Variants in ACSS3 observed in about 807,000 individuals in gnomAD.
ACSS3 encodes the protein acyl-CoA synthetase short chain family member 3.
ACSS3 carries 64 observed loss-of-function variants against 84.2 expected under a neutral mutation model. That is an observed-to-expected ratio of 0.76 (90% CI 0.62 to 0.94). The LOEUF (loss-of-function observed/expected upper bound fraction) is 0.94, where lower values mean the gene tolerates loss of function less well. Ranked by LOEUF, ACSS3 falls within the 40% of genes least tolerant of loss-of-function variation. ACSS3 has a pLI of 0.00. For missense variants in ACSS3, 815 were observed against 867.6 expected (o/e 0.94, Z 0.76); for synonymous variants, 317 against 310.1 (o/e 1.02, Z -0.23).
At chr12:81,083,055 G>T (rs1881084318) in intron 1 of ACSS3, among the ~76,000 whole-genome samples, 1 of 152,226 alleles carries the variant, frequency 6.6e-6, no homozygotes, top group Non-Finnish European at 1.5e-5. Context: ...CAGGGAACAA[G>T]ATGACAAAAA....
chr12:81,148,036 ATTCT>A (rs1207797608), intron 5 of ACSS3, among the ~76,000 whole-genome samples: 1 of 151,864 alleles, frequency 6.6e-6, no homozygotes, highest in Non-Finnish European at 1.5e-5. Context: ...GCCTTGTATG[ATTCT>A]TTATTACAAA....
chr12:81,097,036 C>A (rs1300214806), intron 1 of ACSS3, among the ~76,000 whole-genome samples: 1 of 152,166 alleles, frequency 6.6e-6, no homozygotes, highest in Non-Finnish European at 1.5e-5. Flanking sequence ...ATTGAGCACT[C>A]ATATGATGGC....
At position 81,231,168 on chromosome 12, in the gene ACSS3, C is replaced by T. The variant is rs766163043; in HGVS notation, c.1596+30C>T. ...GAACTTTAATATGCTTTTTTATCTT[C>T]TTATGTACTTTTCTATAATTCTTGC... On this transcript the variant is annotated intron_variant, in intron 12 of 15. Coordinates refer to ENST00000548058, the MANE Select transcript of ACSS3 (RefSeq NM_024560.4). 23 of 1,505,494 alleles carry T rather than the reference C, an allele frequency of 1.5e-5. No homozygotes were observed. In the South Asian group the frequency reaches 2.2e-4, roughly 15 times the overall value. 93.3% of individuals were successfully genotyped at this position (1,505,494 alleles called of 1,614,324 possible).
At position 81,207,248 on chromosome 12, in the gene ACSS3, T is replaced by C. The variant is rs546463207; in HGVS notation, c.1354+7804T>C. Among the ~76,000 whole-genome samples the C allele has an allele frequency of 4.6e-5, 7 of 152,276 alleles. No individual in the cohort carries two copies. The East Asian group carries it at 1.2e-3, about 25-fold the overall frequency. On this transcript the variant is annotated intron_variant, in intron 9 of 15. Transcript: ENST00000548058. ...TTGACAAACTTTACTGTCTGGAAAT[T>C]TGATTCCCCCTGATACACGTAAACC...
intron 7 of ACSS3, among the ~76,000 whole-genome samples, chr12:81,153,785 T>G (rs906412851): frequency 6.6e-6 from 1 of 152,202 alleles, no homozygotes; most frequent in African/African-American, 2.4e-5. Flanking sequence ...TGAGAGGCCA[T>G]TCTCAATCTT....
At chr12:81,079,961 G>A (rs538395732) in intron 1 of ACSS3, among the ~76,000 whole-genome samples, 19 of 152,314 alleles carry the variant, frequency 1.2e-4, no homozygotes, top group African/African-American at 4.3e-4. Context: ...TATCTTAGGA[G>A]CAGGAAACTC....
rs757224536 is a variant in ACSS3, at chr12:81,152,047, A to T, written c.1049A>T (p.Tyr350Phe). ...TTAGGCTGGGTTGTTGGACATTCCT[A>T]TATCTGCTATGGACCTCTTCTTCAT... ...SDLGWVVGHS[Y>F]ICYGPLLHGN... Residue 350 changes from tyrosine to phenylalanine, a missense_variant, in exon 7 of 16, where the codon TAT (tyrosine) becomes TTT (phenylalanine). Tyr to Phe is a conservative substitution (Grantham distance 22). Coordinates refer to ENST00000548058, the MANE Select transcript of ACSS3 (RefSeq NM_024560.4). 1 of 1,613,582 alleles carries T rather than the reference A, an allele frequency of 6.2e-7. No individual in the cohort carries two copies.
intron 2 of ACSS3, among the ~76,000 whole-genome samples, chr12:81,118,512 A>G (rs1884256085): frequency 6.6e-6 from 1 of 152,220 alleles, no homozygotes; most frequent in Non-Finnish European, 1.5e-5. Context: ...TTTGGCCATC[A>G]GCTGCTAGGA....
At chr12:81,094,157 C>CCT (rs1197848879) in intron 1 of ACSS3, among the ~76,000 whole-genome samples, 8 of 131,638 alleles carry the variant, frequency 6.1e-5, no homozygotes, top group East Asian at 4.3e-4. Flanking sequence ...ATTTTTTTTT[C>CCT]CTCTCTCTCT....
intron 11 of ACSS3, among the ~76,000 whole-genome samples, chr12:81,223,473 C>T (rs929229335): frequency 1.3e-5 from 2 of 152,038 alleles, no homozygotes; most frequent in African/African-American, 2.4e-5. Context: ...AAGCATGTCA[C>T]ATAATTATAA....
chr12:81,122,217 G>A (rs986548878), intron 2 of ACSS3, among the ~76,000 whole-genome samples: 1 of 151,914 alleles, frequency 6.6e-6, no homozygotes, highest in Non-Finnish European at 1.5e-5. Context: ...AGGCAGGCAT[G>A]AGCCACCGCG....
rs267603702 is a variant in ACSS3, at chr12:81,216,988, G to T, written c.1442G>T (p.Gly481Val). The T allele has an allele frequency of 6.2e-7, 1 of 1,608,604 alleles. No individual in the cohort carries two copies. The highest frequency in any genetic ancestry group is 8.5e-7 in the Non-Finnish European group (1 of 1,176,042). ...GGGCAAGCAGGAAAAAGCGTCCCAG[G>T]ATACAATGGTAAGGAATGACCCTGA... ...PPGQAGKSVP[G>V]YNVMILDDNM... Residue 481 changes from glycine (G) to valine (V), a missense_variant, in exon 10 of 16, where the codon GGA becomes GTA. By Grantham distance (109) the Gly-to-Val change is moderately radical. Coordinates refer to ENST00000548058, the MANE Select transcript of ACSS3 (RefSeq NM_024560.4).
intron 10 of ACSS3, among the ~76,000 whole-genome samples, chr12:81,219,130 G>A (rs2033020627): frequency 6.6e-6 from 1 of 152,060 alleles, no homozygotes; most frequent in African/African-American, 2.4e-5. Context: ...GAAACTGAAC[G>A]GGTTACAGAA....
At chr12:81,127,257 G>C (rs1414214343) in intron 2 of ACSS3, among the ~76,000 whole-genome samples, 2 of 151,738 alleles carry the variant, frequency 1.3e-5, no homozygotes, top group Non-Finnish European at 2.9e-5. Context: ...AGCTTCTTAT[G>C]TTATATGAAA....
chr12:81,202,587 C>T (rs2135905307), intron 9 of ACSS3, among the ~76,000 whole-genome samples: 1 of 152,188 alleles, frequency 6.6e-6, no homozygotes, highest in Admixed American at 6.5e-5. Context: ...TTCAAGTTTT[C>T]TACAGGGTCC....
intron 1 of ACSS3, among the ~76,000 whole-genome samples, chr12:81,093,714 T>C (rs1164810053): frequency 6.6e-6 from 1 of 152,074 alleles, no homozygotes; most frequent in Non-Finnish European, 1.5e-5. Context: ...CTTACATAAC[T>C]ATAGTACATT....
chr12:81,224,360 A>G (rs2033202146), intron 11 of ACSS3, among the ~76,000 whole-genome samples: 1 of 151,868 alleles, frequency 6.6e-6, no homozygotes, highest in Admixed American at 6.6e-5. Context: ...GAAGACCTTC[A>G]CTTAATGTGT....
rs774022259 is a variant in ACSS3, at chr12:81,078,434, G to A, written c.311+3G>A. 6.2e-7 allele frequency: 1 copy of A among 1,611,868 alleles called. No homozygotes were observed. The highest frequency in any genetic ancestry group is 1.3e-5 in the African/African-American group (1 of 74,866). On this transcript the variant is annotated splice_donor_region_variant and intron_variant, in intron 1 of 15. Coordinates refer to ENST00000548058, the MANE Select transcript of ACSS3 (RefSeq NM_024560.4). ...AAACACTCGCCCTCTACCAGGTGGT[G>A]AGTGACTTCTGTGCCAACCCTGATC...
chr12:81,102,582 G>C (rs1052881492), intron 1 of ACSS3, among the ~76,000 whole-genome samples: 2 of 152,098 alleles, frequency 1.3e-5, no homozygotes, highest in African/African-American at 4.8e-5. Context: ...CACCATTTTG[G>C]GAGGCCGAGG....
Sources: allele counts gnomAD v4.1 joint callset (sites outside exome capture counted in the v4.1 genomes callset), GRCh38; gene constraint gnomAD v4.1.1; transcripts MANE v1.5; gene names NCBI Gene and HGNC (gene_info 2026-07-23, HGNC 2026-07-21).